The following CNTN3 variants were observed in gnomAD, a reference collection of about 807,000 sequenced individuals.
CNTN3 encodes the protein contactin 3.
Under a neutral mutation model 119.1 loss-of-function variants are expected in CNTN3, and 60 were observed. The ratio of observed to expected loss-of-function variants is 0.50; its 90% CI spans 0.41 to 0.62. CNTN3 has a LOEUF of 0.62. Among genes scored for constraint, CNTN3 ranks in the 20% least tolerant of loss-of-function variants. CNTN3 has a pLI of 0.00. For missense variants in CNTN3, 1,101 were observed against 1,242.4 expected (o/e 0.89, Z 1.71); for synonymous variants, 450 against 438.7 (o/e 1.03, Z -0.32).
chr3:74,578,622 T>C lies in CNTN3; in HGVS notation c.-81+35769A>G, dbSNP rs562380932. Among the ~76,000 whole-genome samples the C allele has an allele frequency of 3.9e-5, 6 of 152,106 alleles. No individual in the cohort carries two copies. In the East Asian group the frequency reaches 1.2e-3, roughly 29 times the overall value. On this transcript the variant is annotated intron_variant, in intron 1 of 22. Transcript: ENST00000263665. ...AGAGGCAAGGTACAGAAAGGCTAAG[T>C]GATATAAAGGGTCTCATAACTTTCT...
At chr3:74,458,889 G>A (rs1476925612) in intron 4 of CNTN3, among the ~76,000 whole-genome samples, 8 of 152,004 alleles carry the variant, frequency 5.3e-5, no homozygotes, top group Admixed American at 4.6e-4. Flanking sequence ...TAGCCCTAGA[G>A]ACTCAACAGA....
chr3:74,452,866 C>A (rs1040053511), intron 4 of CNTN3, among the ~76,000 whole-genome samples: 2 of 151,740 alleles, frequency 1.3e-5, no homozygotes, highest in African/African-American at 4.8e-5. Context: ...GGGATGAAGC[C>A]CACTTGATCA....
intron 5 of CNTN3, among the ~76,000 whole-genome samples, chr3:74,388,633 G>A (rs1412225435): frequency 2.0e-5 from 3 of 152,026 alleles, no homozygotes; most frequent in African/African-American, 7.2e-5. Context: ...TATATCCTAA[G>A]AAACAGCAAA....
At chr3:74,369,484 C>T in intron 7 of CNTN3, 111 bp from the exon 8 acceptor site, 2 of 758,320 alleles carry the variant, frequency 2.6e-6, no homozygotes, top group Non-Finnish European at 4.1e-6. Context: ...ATGCAGAAAA[C>T]CACTTTCAAT....
chr3:74,264,765 G>C (rs1701636148), intron 22 of CNTN3, among the ~76,000 whole-genome samples: 1 of 152,022 alleles, frequency 6.6e-6, no homozygotes, highest in East Asian at 1.9e-4. Flanking sequence ...AGTTTTGTTA[G>C]AGAAGCCAAA....
chr3:74,519,335 T>G (rs1703504061), intron 2 of CNTN3, among the ~76,000 whole-genome samples: 2 of 151,840 alleles, frequency 1.3e-5, no homozygotes, highest in Non-Finnish European at 2.9e-5. Flanking sequence ...TGTCTTCACA[T>G]CTTACTAAAG....
intron 1 of CNTN3, among the ~76,000 whole-genome samples, chr3:74,525,527 C>T (rs1703607241): frequency 6.6e-6 from 1 of 151,796 alleles, no homozygotes; most frequent in Admixed American, 6.6e-5. Context: ...ACAAAGGAAG[C>T]TACTGAAGCA....
chr3:74,369,581 T>C (rs1704286512), intron 7 of CNTN3, among the ~76,000 whole-genome samples: 1 of 151,676 alleles, frequency 6.6e-6, no homozygotes. Flanking sequence ...TTTCTTGACA[T>C]GATTTCGAGA....
chr3:74,576,486 C>A (rs558265226), intron 1 of CNTN3, among the ~76,000 whole-genome samples: 1 of 152,002 alleles, frequency 6.6e-6, no homozygotes, highest in South Asian at 2.1e-4. Context: ...AATTCTTAAC[C>A]TGGACACAAG....
At chr3:74,508,539 G>T (rs1188282376) in intron 2 of CNTN3, among the ~76,000 whole-genome samples, 2 of 152,050 alleles carry the variant, frequency 1.3e-5, no homozygotes, top group Non-Finnish European at 2.9e-5. Context: ...ATGATTAATT[G>T]TAGACACAGT....
Position 74,521,952 on chromosome 3 carries a change from G to A in CNTN3, c.-80-760C>T, listed in dbSNP as rs538536269. 2.0e-3 allele frequency among the ~76,000 whole-genome samples: 302 copies of A among 151,780 alleles called. 2 individuals carry two copies. The highest frequency in any genetic ancestry group is 0.011 in the South Asian group (51 of 4,808). On this transcript the variant is annotated intron_variant, in intron 1 of 22. Coordinates refer to ENST00000263665, the MANE Select transcript of CNTN3 (RefSeq NM_020872.3). ...TCCTACAATTCAGTTGGTACCACAC[G>A]GGGAATTAATGATTTTAAAGTTTGC...
rs35050785 is a variant in CNTN3 at position 74,395,378 on chromosome 3, T to TACACACACACACACACACACATAC, written c.455-23980_455-23979insGTATGTGTGTGTGTGTGTGTGTGT. ...TGTTATATCTTTATACACACACACA[T>TACACACACACACACACACACATAC]ACACACACACACACACACGACTGGA... On this transcript the variant is annotated intron_variant, in intron 5 of 22. Coordinates refer to ENST00000263665, the MANE Select transcript of CNTN3 (RefSeq NM_020872.3). 9.3e-5 allele frequency among the ~76,000 whole-genome samples: 14 copies of TACACACACACACACACACACATAC among 150,408 alleles called. No homozygotes were observed. The East Asian group carries it at 1.6e-3, about 17-fold the overall frequency.
At chr3:74,612,279 T>C (rs1339769110) in intron 1 of CNTN3, among the ~76,000 whole-genome samples, 1 of 152,172 alleles carries the variant, frequency 6.6e-6, no homozygotes. Context: ...AATGTGACAG[T>C]GATAAAATTG....
At chr3:74,318,877 C>G (rs1297013284) in intron 13 of CNTN3, among the ~76,000 whole-genome samples, 1 of 152,122 alleles carries the variant, frequency 6.6e-6, no homozygotes, top group Admixed American at 6.6e-5. Flanking sequence ...CTAGTCTCTT[C>G]AAAGCTGTCA....
intron 1 of CNTN3, among the ~76,000 whole-genome samples, chr3:74,524,686 T>A (rs1703590788): frequency 6.6e-6 from 1 of 151,816 alleles, no homozygotes; most frequent in Admixed American, 6.6e-5. Flanking sequence ...ACTACTTATC[T>A]CCATGCTGTC....
intron 5 of CNTN3, among the ~76,000 whole-genome samples, chr3:74,384,045 G>A (rs563992804): frequency 6.1e-4 from 93 of 152,300 alleles, no homozygotes; most frequent in African/African-American, 2.1e-3. Context: ...GGCCTTTCAA[G>A]CCAAACTGAA....
chr3:74,331,122 T>C (rs1340766617), intron 13 of CNTN3, among the ~76,000 whole-genome samples: 1 of 152,206 alleles, frequency 6.6e-6, no homozygotes, highest in African/African-American at 2.4e-5. Context: ...TGTCCTAGCC[T>C]TCACCTTCAC....
At chr3:74,432,550 T>C (rs1302565816) in intron 4 of CNTN3, among the ~76,000 whole-genome samples, 4 of 152,156 alleles carry the variant, frequency 2.6e-5, no homozygotes, top group African/African-American at 7.2e-5. Flanking sequence ...TGGTAAAGTT[T>C]CAAGTAGTTG....
At chr3:74,348,694 T>C (rs1015591049) in intron 11 of CNTN3, among the ~76,000 whole-genome samples, 14 of 152,160 alleles carry the variant, frequency 9.2e-5, no homozygotes, top group African/African-American at 3.4e-4. Context: ...GGAGACACAC[T>C]GAGCAAATAC....
Sources: allele counts gnomAD v4.1 joint callset (sites outside exome capture counted in the v4.1 genomes callset), GRCh38; gene constraint gnomAD v4.1.1; transcripts MANE v1.5; gene names NCBI Gene and HGNC (gene_info 2026-07-23, HGNC 2026-07-21).